Variants in MDGA2 observed in about 807,000 individuals in gnomAD.
MDGA2 encodes the protein MAM domain-containing glycosylphosphatidylinositol anchor protein 2.
A neutral mutation model predicts 117.8 loss-of-function variants in MDGA2; 40 were observed. That is an observed-to-expected ratio of 0.34 (90% CI 0.26 to 0.44). MDGA2 has a LOEUF of 0.44. MDGA2 is among the 20% of genes least tolerant of loss of function. MDGA2 has a pLI of 1.00. For synonymous variants in MDGA2, 452 were observed against 439.0 expected (o/e 1.03, Z -0.37); for missense variants, 1,123 against 1,250.6 (o/e 0.90, Z 1.54).
chr14:46,841,441 T>C lies in MDGA2; in HGVS notation c.*490A>G, dbSNP rs1195249371. 6.6e-6 allele frequency: 1 copy of C among 152,564 alleles called. No homozygotes were observed. The highest frequency in any genetic ancestry group is 2.4e-5 in the African/African-American group (1 of 41,432). The allele number at this position is 152,564 out of a possible 1,614,324, so 9.5% of individuals were successfully genotyped here. On this transcript the variant is annotated 3_prime_UTR_variant, in exon 17 of 17. Transcript: ENST00000399232. ...AAAAGGGCCTACATTTATTTAATTC[T>C]CTACGAAAACCTTCTCGTAAGGAAA... is the stretch of plus-strand genomic sequence containing the variant.
In MDGA2 at chr14:47,554,584, A is replaced by G. The variant is rs78083470; in HGVS notation, c.280+119933T>C. ...ATCTGTTTCCCTAATTGTATTCATG[A>G]TAAATAATTTTTAATGTTACGTGTT... On this transcript the variant is annotated intron_variant, in intron 1 of 16. Coordinates refer to ENST00000399232, the MANE Select transcript of MDGA2 (RefSeq NM_001113498.3). Among the ~76,000 whole-genome samples, 567 of 152,298 alleles carry G rather than the reference A, an allele frequency of 3.7e-3. 6 individuals are homozygous for G. Among genetic ancestry groups the G allele is most frequent in the Middle Eastern group, 0.017 (5 of 294 alleles).
chr14:47,465,797 A>C (rs1441638292), intron 1 of MDGA2, among the ~76,000 whole-genome samples: 2 of 152,214 alleles, frequency 1.3e-5, no homozygotes. Context: ...TAAAAGCAGC[A>C]TTATCATTTG....
chr14:47,674,921 G>C lies in MDGA2; in HGVS notation c.-125C>G. Reference sequence around the variant, plus strand: ...TCGCAGACGCCGGGGAGGAGCAGGGGGCGGTGATGGGAAGGGGAGCTGCGA... The same window carrying C: ...TCGCAGACGCCGGGGAGGAGCAGGGCGCGGTGATGGGAAGGGGAGCTGCGA... On this transcript the variant is annotated 5_prime_UTR_variant, in exon 1 of 17. Transcript: ENST00000399232. 1.9e-6 allele frequency: 1 copy of C among 522,996 alleles called. No individual in the cohort carries two copies. The highest frequency in any genetic ancestry group is 3.3e-6 in the Non-Finnish European group (1 of 301,734). The allele number at this position is 522,996 out of a possible 1,614,324, so 32.4% of individuals were successfully genotyped here.
chr14:47,232,746 T>A lies in MDGA2; in HGVS notation c.421-14551A>T, dbSNP rs896598793. 3.9e-5 allele frequency among the ~76,000 whole-genome samples: 6 copies of A among 152,286 alleles called. No homozygotes were observed. The East Asian group carries it at 1.2e-3, about 29-fold the overall frequency. On this transcript the variant is annotated intron_variant, in intron 2 of 16. Transcript: ENST00000399232. ...ATAAATCAACACCATAGACTCTAAC[T>A]GCCCAGTGAAATTTATTTGTTGACA...
intron 1 of MDGA2, among the ~76,000 whole-genome samples, chr14:47,589,816 G>A (rs1232318178): frequency 6.6e-6 from 1 of 151,874 alleles, no homozygotes; most frequent in Non-Finnish European, 1.5e-5. Context: ...ATTTTTCTAT[G>A]TATTTAGGTA....
chr14:47,304,599 C>T (rs533323614), intron 1 of MDGA2, among the ~76,000 whole-genome samples: 1 of 152,212 alleles, frequency 6.6e-6, no homozygotes, highest in African/African-American at 2.4e-5. Flanking sequence ...CAGTACCTGC[C>T]AAATCCATGA....
intron 1 of MDGA2, among the ~76,000 whole-genome samples, chr14:47,670,085 TG>T (rs1447112850): frequency 6.6e-6 from 1 of 152,210 alleles, no homozygotes; most frequent in Non-Finnish European, 1.5e-5. Context: ...AGCTACTGCC[TG>T]GGCTGTCATT....
intron 8 of MDGA2, among the ~76,000 whole-genome samples, chr14:47,023,395 G>A (rs913982473): frequency 6.6e-6 from 1 of 151,992 alleles, no homozygotes; most frequent in Non-Finnish European, 1.5e-5. Context: ...GGAAAAAAGA[G>A]GCAACCTTAA....
rs369889420 is a variant in MDGA2 at position 47,470,178 on chromosome 14, CA to C, written c.281-168629del. Reference sequence around the variant, plus strand: ...AAGTGCAGAACGTGCAGTTTTGTTACATAGGTATACACGTGCCACGGCGGTT... The same window carrying C: ...AAGTGCAGAACGTGCAGTTTTGTTACTAGGTATACACGTGCCACGGCGGTT... On this transcript the variant is annotated intron_variant, in intron 1 of 16. Transcript: ENST00000399232. 7.9e-5 allele frequency among the ~76,000 whole-genome samples: 12 copies of C among 151,318 alleles called. No homozygotes were observed. The East Asian group carries it at 1.6e-3, about 20-fold the overall frequency.
chr14:47,013,790 A>ATATATATATATATATATATATC (rs768237823), intron 8 of MDGA2, among the ~76,000 whole-genome samples: 1 of 133,078 alleles, frequency 7.5e-6, no homozygotes, highest in Non-Finnish European at 1.6e-5. Context: ...ATATATATAT[A>ATATATATATATATATATATATC]TATCTCCTTT....
chr14:47,170,076 C>G (rs942410437), intron 3 of MDGA2, among the ~76,000 whole-genome samples: 8 of 152,230 alleles, frequency 5.3e-5, no homozygotes, highest in Non-Finnish European at 7.4e-5. Context: ...ACCAGAATAA[C>G]TCCTGGAGTT....
intron 2 of MDGA2, among the ~76,000 whole-genome samples, chr14:47,220,116 CT>C (rs1272065638): frequency 6.6e-6 from 1 of 152,048 alleles, no homozygotes; most frequent in African/African-American, 2.4e-5. Context: ...TTTTTCCTCC[CT>C]TTTTATTCTC....
At chr14:47,373,818 G>C (rs1340073725) in intron 1 of MDGA2, among the ~76,000 whole-genome samples, 1 of 152,062 alleles carries the variant, frequency 6.6e-6, no homozygotes, top group Non-Finnish European at 1.5e-5. Flanking sequence ...GAATTGTATG[G>C]CATAAGAATA....
chr14:47,184,063 C>G (rs762531896), intron 3 of MDGA2, among the ~76,000 whole-genome samples: 4 of 151,856 alleles, frequency 2.6e-5, no homozygotes, highest in Admixed American at 6.6e-5. Flanking sequence ...ATTACACATT[C>G]ACTATATATA....
At chr14:47,423,751 T>C (rs539572902) in intron 1 of MDGA2, among the ~76,000 whole-genome samples, 3 of 152,184 alleles carry the variant, frequency 2.0e-5, no homozygotes, top group Admixed American at 6.6e-5. Context: ...TCAAAAGATA[T>C]GTCAGTGTTC....
At position 46,865,037 on chromosome 14, in the gene MDGA2, G is replaced by A. The variant is rs75969411; in HGVS notation, c.2752+8396C>T. ...TCCAAGGGAAAAAAAATCCCAATAT[G>A]TGAGCTGATTTCCTATTTGAGAATA... is the stretch of plus-strand genomic sequence containing the variant. On this transcript the variant is annotated intron_variant, in intron 14 of 16. Transcript: ENST00000399232. 4.4e-3 allele frequency among the ~76,000 whole-genome samples: 672 copies of A among 152,080 alleles called. 4 individuals carry two copies. Among genetic ancestry groups the A allele is most frequent in the African/African-American group, 0.015 (632 of 41,516 alleles).
chr14:46,990,746 G>A (rs759584860), intron 8 of MDGA2, among the ~76,000 whole-genome samples: 8 of 151,720 alleles, frequency 5.3e-5, no homozygotes, highest in Non-Finnish European at 1.0e-4. Context: ...TGGATAATAT[G>A]TCAAATGTTA....
chr14:47,561,822 T>C (rs1283161238), intron 1 of MDGA2, among the ~76,000 whole-genome samples: 1 of 152,190 alleles, frequency 6.6e-6, no homozygotes, highest in African/African-American at 2.4e-5. Context: ...AAGGGGAATA[T>C]TTCTAGCTTT....
intron 5 of MDGA2, among the ~76,000 whole-genome samples, chr14:47,108,540 G>T (rs1464551131): frequency 1.9e-3 from 271 of 142,974 alleles, no homozygotes; most frequent in South Asian, 2.2e-3. Flanking sequence ...GGCTCAAAAA[G>T]CACCCCCACT....
Sources: gnomAD v4.1 joint callset for allele counts (sites outside exome capture counted in the v4.1 genomes callset) on GRCh38, gnomAD v4.1.1 for gene constraint, MANE v1.5 for transcripts, NCBI Gene and HGNC (gene_info 2026-07-23, HGNC 2026-07-21) for gene names.